The following POLR1A variants were observed in gnomAD, a reference collection of about 807,000 sequenced individuals.
POLR1A encodes RNA polymerase I subunit A.
Under a neutral mutation model 205.3 loss-of-function variants are expected in POLR1A, and 84 were observed. The ratio of observed to expected loss-of-function variants is 0.41; its 90% confidence interval spans 0.34 to 0.49. The LOEUF (loss-of-function observed/expected upper bound fraction) is 0.49. POLR1A is among the 20% of genes least tolerant of loss of function. The pLI is 0.22. For missense variants in POLR1A, 1,645 were observed against 2,204.5 expected, an observed-to-expected ratio of 0.75 and a Z score of 5.08; for synonymous variants, 799 against 863.7, an observed-to-expected ratio of 0.93 and a Z score of 1.31.
chr2:86,028,682 G>A lies in POLR1A; in HGVS notation c.4809C>T (p.Asn1603=), dbSNP rs560258003. The change falls in exon 32 of 34, where the codon AAC becomes AAT. Residue 1603 remains asparagine (N), a synonymous_variant. Coordinates refer to ENST00000263857, the MANE Select transcript of POLR1A (RefSeq NM_015425.6). The surrounding 1 kb of genome is among the most constrained non-coding windows in gnomAD (Gnocchi z 4.5). ...ACGTGTTGGCTATGGCGTGGATGTCGTTGGAGTAGAGGCGGCGCAGATCCA... is the reference window on the plus strand; with the variant it reads ...ACGTGTTGGCTATGGCGTGGATGTCATTGGAGTAGAGGCGGCGCAGATCCA... The part of the protein sequence containing the change: ...EVLDLRRLYS[N]DIHAIANTYG... 2.0e-5 allele frequency: 32 copies of A among 1,614,148 alleles called. No homozygotes were observed. The African/African-American group carries it at 2.4e-4, about 12-fold the overall frequency.
intron 24 of POLR1A, among the ~76,000 whole-genome samples, chr2:86,041,664 T>C (rs552469626): frequency 6.6e-6 from 1 of 152,112 alleles, no homozygotes; most frequent in African/African-American, 2.4e-5. Context: ...ACTATCCCTA[T>C]CTTGGCCCAG....
rs1429331953 is a variant in POLR1A at position 86,083,128 on chromosome 2, T to C, written c.771A>G (p.Thr257=). 3.1e-6 allele frequency: 5 copies of C among 1,613,958 alleles called. No homozygotes were observed. Among genetic ancestry groups the C allele is most frequent in the Middle Eastern group, 1.6e-4 (1 of 6,062 alleles). The change falls in exon 7 of 34, where the codon ACA becomes ACG. Residue 257 remains threonine, a synonymous_variant. Transcript: ENST00000263857. The part of the protein sequence containing the change: ...EAQIGKRGYL[T]PTSAREHLSA... ...AAAGGTGTTCGCGGGCACTGGTGGG[T>C]GTTAAGTATCCTCGTTTTCCTATCT...
In POLR1A at chr2:86,100,180, GA is replaced by G. The variant is rs747293552; in HGVS notation, c.78-9del. ...GATTTAACACTTAATTTCCTAAGGG[GA>G]TAAAAAAGACCAAGAGGAAAGCTAA... On this transcript the variant is annotated splice_polypyrimidine_tract_variant and intron_variant, in intron 1 of 33. Transcript: ENST00000263857. The G allele has an allele frequency of 3.1e-6, 5 of 1,605,978 alleles. No homozygotes were observed. Among genetic ancestry groups the G allele is most frequent in the Non-Finnish European group, 4.3e-6 (5 of 1,172,620 alleles).
At chr2:86,081,456 G>A in intron 8 of POLR1A, 145 bp downstream of exon 8, 1 of 599,632 alleles carries the variant, frequency 1.7e-6, no homozygotes, top group Non-Finnish European at 3.0e-6. Context: ...GGGAAGGAAA[G>A]CAAGCCCTCC....
At position 86,028,942 on chromosome 2, in the gene POLR1A, C is replaced by A. The variant is rs574221349; in HGVS notation, c.4780-231G>T. 6 of 513,366 alleles carry A rather than the reference C, an allele frequency of 1.2e-5. No individual in the cohort carries two copies. The East Asian group carries it at 1.8e-4, about 15-fold the overall frequency. The allele number at this position is 513,366 out of a possible 1,614,324, so 31.8% of individuals were successfully genotyped here. On this transcript the variant is annotated intron_variant, in intron 31 of 33. Transcript: ENST00000263857. The surrounding 1 kb of genome is among the most constrained non-coding windows in gnomAD (Gnocchi z 4.5). ...CTGTATCGTCATTACAAGAATCCAG[C>A]GTGTCCACTTTGGACACGCTTTAGA...
chr2:86,072,250 C>T lies in POLR1A; in HGVS notation c.1612-1978G>A, dbSNP rs180890171. On this transcript the variant is annotated intron_variant, in intron 12 of 33. Coordinates refer to ENST00000263857, the MANE Select transcript of POLR1A (RefSeq NM_015425.6). The stretch of plus-strand genomic sequence containing the variant: ...CCTTCCCCTCCCCATTGCCAAGTCC[C>T]ATGTTTCCAAGGAGACCTAAACTCT... Among the ~76,000 whole-genome samples, 174 of 152,336 alleles carry T rather than the reference C, an allele frequency of 1.1e-3. 1 individual carries two copies. Among genetic ancestry groups the T allele is most frequent in the African/African-American group, 3.9e-3 (164 of 41,584 alleles).
intron 30 of POLR1A, 128 bp from the exon 31 acceptor site, chr2:86,030,524 G>A: frequency 1.5e-6 from 1 of 666,052 alleles, no homozygotes. Context: ...TGCTGGGCAA[G>A]CCAGCAGGTA....
chr2:86,030,922 T>A (rs965493794), intron 30 of POLR1A, among the ~76,000 whole-genome samples: 1 of 152,182 alleles, frequency 6.6e-6, no homozygotes, highest in African/African-American at 2.4e-5. Context: ...GCACGAACAG[T>A]GTCTCTACAA....
chr2:86,047,562 G>A (rs1672731796), intron 18 of POLR1A, among the ~76,000 whole-genome samples: 1 of 152,148 alleles, frequency 6.6e-6, no homozygotes, highest in African/African-American at 2.4e-5. Flanking sequence ...AGAAGTAGAG[G>A]GGCTGGCAGA....
At chr2:86,038,382 C>G (rs1195346443) in intron 27 of POLR1A, among the ~76,000 whole-genome samples, 2 of 152,198 alleles carry the variant, frequency 1.3e-5, no homozygotes, top group African/African-American at 4.8e-5. Context: ...TGATGGTGCT[C>G]CCTTCTCTTT....
chr2:86,097,214 CA>C (rs757210116), intron 3 of POLR1A, among the ~76,000 whole-genome samples: 3,674 of 38,898 alleles, frequency 0.094, 29 homozygotes, highest in African/African-American at 0.21. Context: ...CCCCAAAAGA[CA>C]AAAAAAAAAA....
In POLR1A at chr2:86,021,841, G is replaced by T. The variant is rs549338871; in HGVS notation, c.*5582C>A. The T allele has an allele frequency of 2.0e-5, 3 of 152,120 alleles. No individual in the cohort carries two copies. Among genetic ancestry groups the T allele is most frequent in the Non-Finnish European group, 4.4e-5 (3 of 68,058 alleles). The allele number at this position is 152,120 out of a possible 1,614,324, so 9.4% of individuals were successfully genotyped here. The stretch of plus-strand genomic sequence containing the variant: ...TCCCAGGCCATTGAGTCCAACTTGC[G>T]CGAAGATAGTCACTGGGGAGCTGCA... On this transcript the variant is annotated 3_prime_UTR_variant, in exon 34 of 34. Coordinates refer to ENST00000263857, the MANE Select transcript of POLR1A (RefSeq NM_015425.6).
intron 13 of POLR1A, among the ~76,000 whole-genome samples, chr2:86,069,278 TAGG>T (rs1440582444): frequency 6.6e-6 from 1 of 152,198 alleles, no homozygotes; most frequent in Non-Finnish European, 1.5e-5. Flanking sequence ...GCTTATAATT[TAGG>T]AGGACTCAGA....
chr2:86,056,891 G>A (rs1672907457), intron 14 of POLR1A, among the ~76,000 whole-genome samples: 1 of 152,170 alleles, frequency 6.6e-6, no homozygotes, highest in Non-Finnish European at 1.5e-5. Context: ...CATTGACAAT[G>A]CATCTGGTCA....
At chr2:86,057,149 T>C (rs1371867587) in intron 14 of POLR1A, among the ~76,000 whole-genome samples, 1 of 152,208 alleles carries the variant, frequency 6.6e-6, no homozygotes, top group Non-Finnish European at 1.5e-5. Flanking sequence ...TTGTGATTCA[T>C]GGGAGGAACA....
In POLR1A at chr2:86,028,492, T is replaced by TGACTCGGTGCTGGACC. The variant is rs537206606; in HGVS notation, c.4897+86_4897+101dup. On this transcript the variant is annotated intron_variant, in intron 32 of 33. Coordinates refer to ENST00000263857, the MANE Select transcript of POLR1A (RefSeq NM_015425.6). The surrounding 1 kb of genome is among the most constrained non-coding windows in gnomAD (Gnocchi z 4.5). ...TGCAGTGCCTGCCTTAGTGCTGGAC[T>TGACTCGGTGCTGGACC]GACTCGGTGCTGGACCGACACGGTC... 9,325 of 801,286 alleles carry TGACTCGGTGCTGGACC rather than the reference T, an allele frequency of 0.012. 95 individuals are homozygous for TGACTCGGTGCTGGACC. The highest frequency in any genetic ancestry group is 0.015 in the Non-Finnish European group (6,580 of 448,282). 49.6% of individuals were successfully genotyped at this position (801,286 alleles called of 1,614,324 possible). A position where few individuals can be genotyped will look rare whatever the true frequency, so the allele number is the denominator to read the frequency against.
At chr2:86,077,774 C>G (rs1673315582) in intron 11 of POLR1A, 85 bp downstream of exon 11, 1 of 1,499,050 alleles carries the variant, frequency 6.7e-7, no homozygotes, top group Non-Finnish European at 9.2e-7. Context: ...TCTCATCTGC[C>G]ACCCACGGGG....
rs372289711 is a variant in POLR1A at position 86,088,631 on chromosome 2, T to C, written c.665A>G (p.Lys222Arg). 18 of 1,614,004 alleles carry C rather than the reference T, an allele frequency of 1.1e-5. No individual in the cohort carries two copies. The African/African-American group carries it at 2.1e-4, about 19-fold the overall frequency. The change falls in exon 6 of 34, where the codon AAG becomes AGG. Residue 222 changes from lysine (K) to arginine (R), a missense_variant. Transcript: ENST00000263857. ...CATGGCTGGAAACGTGATAGTCAACTTGCTGTTGTGTTCCTTTCGGACAAC... is the reference window on the plus strand; with the variant it reads ...CATGGCTGGAAACGTGATAGTCAACCTGCTGTTGTGTTCCTTTCGGACAAC... Reference protein sequence around the residue: ...RSVVRKEHNSKLTITFPAMVH... With the variant: ...RSVVRKEHNSRLTITFPAMVH...
chr2:86,029,660 A>G (rs932140315), intron 31 of POLR1A, among the ~76,000 whole-genome samples: 1 of 147,448 alleles, frequency 6.8e-6, no homozygotes, highest in African/African-American at 2.5e-5. Context: ...GCAGCGGCGC[A>G]ATCTTGGTTT....
Sources: gnomAD v4.1 joint callset for allele counts (sites outside exome capture counted in the v4.1 genomes callset) on GRCh38, gnomAD v4.1.1 for gene constraint, Gnocchi (gnomAD v3.1) non-coding constraint, MANE v1.5 for transcripts, NCBI Gene and HGNC (gene_info 2026-07-23, HGNC 2026-07-21) for gene names.